Variants in NRG1 observed in about 807,000 individuals in gnomAD.
NRG1 encodes the protein pro-neuregulin-1, membrane-bound isoform.
A neutral mutation model predicts 63.8 loss-of-function variants in NRG1; 18 were observed. That is an observed-to-expected ratio of 0.28 (90% confidence interval 0.19 to 0.42). The LOEUF is 0.42. Among genes scored for constraint, NRG1 ranks in the 10% least tolerant of loss-of-function variants. The pLI, the probability that NRG1 is intolerant of heterozygous loss-of-function variation, is 1.00. For missense variants in NRG1, 762 were observed against 814.7 expected (o/e 0.94, Z 0.79); for synonymous variants, 302 against 301.3 (o/e 1.00, Z -0.02).
intron 1 of NRG1, among the ~76,000 whole-genome samples, chr8:32,143,433 C>T (rs1260077777): frequency 6.6e-6 from 1 of 152,110 alleles, no homozygotes; most frequent in East Asian, 1.9e-4. Context: ...CTGTTCTTCC[C>T]CAGACCATGA....
intron 1 of NRG1, among the ~76,000 whole-genome samples, chr8:31,892,517 A>G (rs1043669556): frequency 3.3e-5 from 5 of 152,046 alleles, no homozygotes; most frequent in African/African-American, 7.3e-5. Context: ...AGTGCTTAAT[A>G]TATAAACAAG....
intron 1 of NRG1, among the ~76,000 whole-genome samples, chr8:31,889,775 C>T (rs961963477): frequency 3.3e-5 from 5 of 152,248 alleles, no homozygotes; most frequent in East Asian, 3.9e-4. Flanking sequence ...TGTGGGCTGG[C>T]GACCAAGTGC....
At chr8:32,123,304 TTTCCCCTGCTGTTCTCA>T (rs1833703527) in intron 1 of NRG1, among the ~76,000 whole-genome samples, 3 of 151,934 alleles carry the variant, frequency 2.0e-5, no homozygotes, top group Admixed American at 2.0e-4. Flanking sequence ...GGAGCAGGTC[TTTCCCCTGCTGTTCTCA>T]TGATAGTAAG....
chr8:32,419,241 C>G (rs1816355058), intron 1 of NRG1, among the ~76,000 whole-genome samples: 1 of 152,206 alleles, frequency 6.6e-6, no homozygotes, highest in Non-Finnish European at 1.5e-5. Context: ...TCCAGCTCCA[C>G]TTTAACCACA....
intron 1 of NRG1, among the ~76,000 whole-genome samples, chr8:32,079,993 A>G (rs1444345326): frequency 1.3e-5 from 2 of 152,172 alleles, no homozygotes; most frequent in East Asian, 3.9e-4. Flanking sequence ...TAGTAATAAA[A>G]TATTTATAGC....
At chr8:31,907,122 G>A (rs752693327) in intron 1 of NRG1, among the ~76,000 whole-genome samples, 1 of 151,934 alleles carries the variant, frequency 6.6e-6, no homozygotes. Flanking sequence ...ACAGCTTTAG[G>A]GCACAATGGA....
chr8:32,422,348 C>T (rs796271724), intron 1 of NRG1, among the ~76,000 whole-genome samples: 1 of 152,108 alleles, frequency 6.6e-6, no homozygotes, highest in Non-Finnish European at 1.5e-5. Context: ...AAAATAATAT[C>T]ATTGATAGTT....
intron 1 of NRG1, among the ~76,000 whole-genome samples, chr8:31,804,163 C>T (rs1822057264): frequency 6.6e-6 from 1 of 152,102 alleles, no homozygotes; most frequent in Non-Finnish European, 1.5e-5. Context: ...GAGTAACCAC[C>T]AGCAATCTGC....
chr8:32,356,491 C>T (rs1214393035), intron 1 of NRG1, among the ~76,000 whole-genome samples: 5 of 137,528 alleles, frequency 3.6e-5, no homozygotes, highest in Non-Finnish European at 6.3e-5. Context: ...CCCCACCCGC[C>T]GGGCCCCACC....
At chr8:32,119,948 C>T (rs1833223107) in intron 1 of NRG1, among the ~76,000 whole-genome samples, 1 of 152,072 alleles carries the variant, frequency 6.6e-6, no homozygotes, top group African/African-American at 2.4e-5. Flanking sequence ...TCATGGATAA[C>T]AAGTTGGCAA....
intron 1 of NRG1, among the ~76,000 whole-genome samples, chr8:31,810,191 T>A (rs1310091038): frequency 6.6e-6 from 1 of 152,118 alleles, no homozygotes; most frequent in Non-Finnish European, 1.5e-5. Context: ...CCCAGCTACA[T>A]CCCTAATCCA....
At chr8:32,647,621 G>A (rs370272852) in intron 5 of NRG1, 1 of 1,454,860 alleles carries the variant, frequency 6.9e-7, no homozygotes, top group Non-Finnish European at 9.0e-7. Flanking sequence ...ACGATTTATC[G>A]ATTTCCCCCT....
At chr8:32,473,656 T>C (rs1247059007) in intron 1 of NRG1, among the ~76,000 whole-genome samples, 1 of 152,176 alleles carries the variant, frequency 6.6e-6, no homozygotes, top group Non-Finnish European at 1.5e-5. Flanking sequence ...AACCCTGGGC[T>C]TCTATCCTTA....
At chr8:32,595,923 C>T (rs780739877) in exon 2 of NRG1, 1 of 1,613,906 alleles carries the variant, frequency 6.2e-7, no homozygotes, top group Non-Finnish European at 8.5e-7. Context: ...ATACTCCTCT[C>T]TCAGATTCAA....
At chr8:31,961,324 T>C (rs2129626000) in intron 1 of NRG1, among the ~76,000 whole-genome samples, 1 of 152,302 alleles carries the variant, frequency 6.6e-6, no homozygotes, top group African/African-American at 2.4e-5. Context: ...TTTAAATACA[T>C]ACATCTTTTT....
intron 1 of NRG1, among the ~76,000 whole-genome samples, chr8:31,848,078 C>T (rs1566778): frequency 0.44 from 66,460 of 151,896 alleles, 14,922 homozygotes; most frequent in East Asian, 0.7. Flanking sequence ...CACATTACAA[C>T]ACAAAGAAAT....
intron 1 of NRG1, among the ~76,000 whole-genome samples, chr8:32,332,824 CTG>C (rs1183979486): frequency 1.3e-5 from 2 of 152,128 alleles, no homozygotes; most frequent in African/African-American, 4.8e-5. Flanking sequence ...GCTCAGAAGA[CTG>C]TGTTTTACTC....
At chr8:31,859,043 CA>C (rs1170355808) in intron 1 of NRG1, among the ~76,000 whole-genome samples, 1 of 151,790 alleles carries the variant, frequency 6.6e-6, no homozygotes, top group Non-Finnish European at 1.5e-5. Context: ...TTCTCATTGG[CA>C]AAAAAGTGTT....
At chr8:32,637,187 A>G (rs1851497768) in intron 5 of NRG1, among the ~76,000 whole-genome samples, 1 of 151,980 alleles carries the variant, frequency 6.6e-6, no homozygotes, top group South Asian at 2.1e-4. Context: ...TACAGTTAAT[A>G]TTTTCCTATA....
Sources: gnomAD v4.1 joint callset for allele counts (sites outside exome capture counted in the v4.1 genomes callset) on GRCh38, gnomAD v4.1.1 for gene constraint, MANE v1.5 for transcripts, NCBI Gene and HGNC (gene_info 2026-07-23, HGNC 2026-07-21) for gene names.